The following USP34 variants were observed in gnomAD, a reference collection of about 807,000 sequenced individuals.
USP34 encodes the protein ubiquitin carboxyl-terminal hydrolase 34.
USP34 carries 70 observed loss-of-function variants against 460.3 expected under a neutral mutation model. That is an observed-to-expected ratio of 0.15 (90% CI 0.13 to 0.19). The LOEUF (loss-of-function observed/expected upper bound fraction) is 0.19. Among genes scored for constraint, USP34 ranks in the 10% least tolerant of loss-of-function variants. The pLI is 1.00. For missense variants in USP34, 3,985 were observed against 4,236.2 expected (o/e 0.94, Z 1.65); for synonymous variants, 1,647 against 1,405.3 (o/e 1.17, Z -3.85).
At chr2:61,409,020 G>C (rs1319493550) in intron 2 of USP34, among the ~76,000 whole-genome samples, 1 of 151,942 alleles carries the variant, frequency 6.6e-6, no homozygotes, top group Non-Finnish European at 1.5e-5. Context: ...AGGAGTTCAA[G>C]ACCAGCCTGA....
intron 6 of USP34, among the ~76,000 whole-genome samples, chr2:61,380,739 A>AAT (rs2103863283): frequency 6.6e-6 from 1 of 152,336 alleles, no homozygotes; most frequent in Admixed American, 6.5e-5. Context: ...TAGACATGAC[A>AAT]TAAGTGGAAG....
intron 39 of USP34, among the ~76,000 whole-genome samples, chr2:61,279,707 G>A (rs538785119): frequency 3.9e-5 from 6 of 152,168 alleles, no homozygotes; most frequent in Non-Finnish European, 7.4e-5. Flanking sequence ...CTTGTGATCC[G>A]CCCGCCTCGG....
intron 8 of USP34, among the ~76,000 whole-genome samples, chr2:61,373,335 G>C (rs762769643): frequency 6.7e-6 from 1 of 149,600 alleles, no homozygotes; most frequent in African/African-American, 2.4e-5. Flanking sequence ...AGTGAATTAA[G>C]AACTCTAATC....
rs1232443294 is a variant in USP34 at position 61,214,125 on chromosome 2, C to A, written c.8617G>T (p.Ala2873Ser). Reference sequence around the variant, plus strand: ...GCCCACTGGATGTTCTGGTGAGAAGCCAGTTGTCGTGTGAATGCAGGAGAC... The same window carrying A: ...GCCCACTGGATGTTCTGGTGAGAAGACAGTTGTCGTGTGAATGCAGGAGAC... ...EQSPAFTRQL[A>S]SHQNIQWAFK... is the part of the protein sequence containing the mutation. The change falls in exon 68 of 80, where the codon GCT becomes TCT. Residue 2873 changes from alanine (A) to serine (S), a missense_variant. Physicochemically the swap from Ala to Ser is moderately conservative, Grantham distance 99. This residue lies in a region of USP34 where 66 missense variants were observed against 121.2 expected (regional missense o/e 0.54). Transcript: ENST00000398571. 2 of 1,614,086 alleles carry A rather than the reference C, an allele frequency of 1.2e-6. No individual in the cohort carries two copies. The highest frequency in any genetic ancestry group is 1.7e-6 in the Non-Finnish European group (2 of 1,180,044).
intron 25 of USP34, among the ~76,000 whole-genome samples, chr2:61,313,351 G>T (rs938279319): frequency 7.9e-5 from 12 of 151,906 alleles, no homozygotes; most frequent in Non-Finnish European, 1.3e-4. Context: ...CATTTTTAAA[G>T]ACTTAAAATA....
intron 58 of USP34, among the ~76,000 whole-genome samples, chr2:61,231,148 T>G (rs1346815782): frequency 6.6e-6 from 1 of 152,132 alleles, no homozygotes; most frequent in Non-Finnish European, 1.5e-5. Flanking sequence ...CACAAAAGAC[T>G]AATAGTGTAT....
At chr2:61,215,927 T>A (rs1407110438) in intron 67 of USP34, among the ~76,000 whole-genome samples, 1 of 152,200 alleles carries the variant, frequency 6.6e-6, no homozygotes, top group South Asian at 2.1e-4. Flanking sequence ...ATTCACAGGC[T>A]AATAATGCTC....
chr2:61,380,336 C>G lies in USP34; in HGVS notation c.847G>C (p.Glu283Gln). The change falls in exon 7 of 80, where the codon GAG (glutamate) becomes CAG (glutamine). Residue 283 changes from glutamate (E) to glutamine (Q), a missense_variant. Around this residue, in one of 14 missense-constraint regions of USP34, gnomAD observed 70 missense variants for 109.5 expected, o/e 0.64. Coordinates refer to ENST00000398571, the MANE Select transcript of USP34 (RefSeq NM_014709.4). ...IRYLCKLSDQ[E>Q]LRQSAARNMA... ...TTACGAGCTGCACTCTGTCGTAACTCCTGATCCGAGAGCTTGCATAAATAC... is the reference window on the plus strand; with the variant it reads ...TTACGAGCTGCACTCTGTCGTAACTGCTGATCCGAGAGCTTGCATAAATAC... 1 of 1,610,168 alleles carries G rather than the reference C, an allele frequency of 6.2e-7. No homozygotes were observed. Among genetic ancestry groups the G allele is most frequent in the African/African-American group, 1.3e-5 (1 of 74,866 alleles).
In USP34 at chr2:61,188,931, C is replaced by T; in HGVS notation, c.10012G>A (p.Ala3338Thr). The change falls in exon 79 of 80, where the codon GCC (alanine) becomes ACC (threonine). Residue 3338 changes from alanine (A) to threonine (T), a missense_variant. Around this residue, in one of 14 missense-constraint regions of USP34, gnomAD observed 506 missense variants for 439.0 expected, o/e 1.15. Coordinates refer to ENST00000398571, the MANE Select transcript of USP34 (RefSeq NM_014709.4). ...TAACCTTTAGTTTTTCTTTCTTTGG[C>T]TTCTTGCTCTTGGAGTGAGTTTCTC... is the stretch of plus-strand genomic sequence containing the variant. ...QQRNSLQEQE[A>T]KERKTKDDEG... 6.2e-7 allele frequency: 1 copy of T among 1,614,106 alleles called. No individual in the cohort carries two copies. Among genetic ancestry groups the T allele is most frequent in the African/African-American group, 1.3e-5 (1 of 75,046 alleles).
At chr2:61,320,739 G>A (rs573749037) in intron 21 of USP34, among the ~76,000 whole-genome samples, 8 of 152,280 alleles carry the variant, frequency 5.3e-5, no homozygotes, top group Non-Finnish European at 1.0e-4. Context: ...GCTGGGCGTG[G>A]TGGCTCACGC....
chr2:61,381,280 A>C (rs1421187544), intron 6 of USP34, among the ~76,000 whole-genome samples: 1 of 152,026 alleles, frequency 6.6e-6, no homozygotes, highest in East Asian at 1.9e-4. Context: ...ACACACACAC[A>C]CACACAAAAC....
At chr2:61,263,727 C>T (rs780009206) in intron 43 of USP34, among the ~76,000 whole-genome samples, 21 of 152,028 alleles carry the variant, frequency 1.4e-4, no homozygotes, top group Non-Finnish European at 2.4e-4. Context: ...CGTGATCCAC[C>T]GACCTCTGCC....
chr2:61,420,707 T>C, intron 2 of USP34, 39 bp downstream of exon 2: 1 of 1,506,668 alleles, frequency 6.6e-7, no homozygotes, highest in South Asian at 1.3e-5. Flanking sequence ...ATAACACAAC[T>C]CACAAAAATT....
chr2:61,354,002 T>C (rs929915483), intron 10 of USP34, among the ~76,000 whole-genome samples: 8 of 152,074 alleles, frequency 5.3e-5, no homozygotes, highest in Admixed American at 1.3e-4. Context: ...GAAAAATGAA[T>C]AGCCTAAGGG....
At position 61,348,237 on chromosome 2, in the gene USP34, TACC is replaced by T; in HGVS notation, c.1915_1917del (p.Gly639del). ...TCTAACTTTCTATTCCGAAGATCTGTACCACAACTGCTTTTGGGAGGATTATGA... is the reference window on the plus strand; with the variant it reads ...TCTAACTTTCTATTCCGAAGATCTGTACAACTGCTTTTGGGAGGATTATGA... On this transcript the variant is annotated inframe_deletion, in exon 15 of 80. Transcript: ENST00000398571. The T allele has an allele frequency of 6.2e-7, 1 of 1,614,228 alleles. No individual in the cohort carries two copies. Among genetic ancestry groups the T allele is most frequent in the Non-Finnish European group, 8.5e-7 (1 of 1,180,030 alleles).
intron 1 of USP34, among the ~76,000 whole-genome samples, chr2:61,461,264 G>A (rs1433156255): frequency 6.6e-6 from 1 of 150,914 alleles, no homozygotes; most frequent in Non-Finnish European, 1.5e-5. Context: ...ATGGTGGCAG[G>A]CCCCTGTAAT....
chr2:61,445,888 C>A (rs1216943073), intron 1 of USP34, among the ~76,000 whole-genome samples: 10 of 151,544 alleles, frequency 6.6e-5, no homozygotes, highest in Admixed American at 6.6e-4. Context: ...GCAGAGGTTG[C>A]AGTGAGCTGC....
chr2:61,256,839 A>G, intron 47 of USP34, 34 bp downstream of exon 47: 1 of 1,506,612 alleles, frequency 6.6e-7, no homozygotes, highest in Non-Finnish European at 8.9e-7. Flanking sequence ...AGGTAAAAGC[A>G]TAAAGTAAAA....
intron 41 of USP34, among the ~76,000 whole-genome samples, chr2:61,267,541 C>T (rs947885568): frequency 1.3e-5 from 2 of 151,424 alleles, no homozygotes; most frequent in Middle Eastern, 6.8e-3. Flanking sequence ...TGCCCAGGTT[C>T]GAGCGATTCT....
Sources: allele counts gnomAD v4.1 joint callset (sites outside exome capture counted in the v4.1 genomes callset), GRCh38; gene constraint gnomAD v4.1.1; regional missense constraint gnomAD v4.1.1; transcripts MANE v1.5; gene names NCBI Gene and HGNC (gene_info 2026-07-23, HGNC 2026-07-21).